The following LRBA variants were observed in gnomAD, a reference collection of about 807,000 sequenced individuals.
LRBA encodes LPS responsive beige-like anchor protein.
LRBA carries 176 observed loss-of-function variants against 330.0 expected under a neutral mutation model. The ratio of observed to expected loss-of-function variants is 0.53; its 90% confidence interval spans 0.47 to 0.60. The LOEUF is 0.60. Among genes scored for constraint, LRBA ranks in the 20% least tolerant of loss-of-function variants. The probability of loss-of-function intolerance (pLI) is 0.00; values close to 1 mark genes in which losing one functional copy is unlikely to be tolerated. For synonymous variants in LRBA, 1,230 were observed against 1,193.0 expected (o/e 1.03, Z -0.64); for missense variants, 3,259 against 3,444.8 (o/e 0.95, Z 1.35).
chr4:150,914,850 A>C (rs1232731805), intron 8 of LRBA, among the ~76,000 whole-genome samples: 1 of 152,142 alleles, frequency 6.6e-6, no homozygotes, highest in East Asian at 1.9e-4. Flanking sequence ...GCGCGCTGCT[A>C]ATAGATTTAT....
In LRBA at chr4:150,277,949, A is replaced by C; in HGVS notation, c.8372T>G (p.Val2791Gly). Residue 2791 changes from valine (V) to glycine (G), a missense_variant, in exon 56 of 57, where the codon GTG becomes GGG. Coordinates refer to ENST00000651943, the MANE Select transcript of LRBA (RefSeq NM_001364905.1). ...GTCCGACACCTGCCGGACCACGACCACTCCTCTGTCTCCTCCTGTGAGCAG... is the reference window on the plus strand; with the variant it reads ...GTCCGACACCTGCCGGACCACGACCCCTCCTCTGTCTCCTCCTGTGAGCAG... ...QYLLTGGDRG[V>G]VVVRQVSDLK... The C allele has an allele frequency of 1.2e-6, 2 of 1,613,752 alleles. No homozygotes were observed. The highest frequency in any genetic ancestry group is 1.7e-6 in the Non-Finnish European group (2 of 1,179,948).
chr4:150,302,796 T>G lies in LRBA; in HGVS notation c.7850-4A>C. The G allele has an allele frequency of 6.4e-7, 1 of 1,568,928 alleles. No individual in the cohort carries two copies. Among genetic ancestry groups the G allele is most frequent in the Non-Finnish European group, 8.6e-7 (1 of 1,158,408 alleles). On this transcript the variant is annotated splice_polypyrimidine_tract_variant and splice_region_variant and intron_variant, in intron 52 of 56. Transcript: ENST00000651943. ...AACACCACTTGGATCAATCTTCCTG[T>G]AATGCAAAACAATTTTCTTTAAAAA...
intron 2 of LRBA, among the ~76,000 whole-genome samples, chr4:150,952,294 ATAGG>A (rs1367193555): frequency 6.6e-6 from 1 of 152,122 alleles, no homozygotes; most frequent in Non-Finnish European, 1.5e-5. Context: ...AGAGAGAGAG[ATAGG>A]TAGAGACAAA....
intron 47 of LRBA, among the ~76,000 whole-genome samples, chr4:150,399,167 T>G (rs1313987992): frequency 6.6e-6 from 1 of 152,190 alleles, no homozygotes; most frequent in Non-Finnish European, 1.5e-5. Flanking sequence ...TGTATTTTAT[T>G]GAAATACTGT....
chr4:150,611,315 C>A (rs1775236026), intron 37 of LRBA, among the ~76,000 whole-genome samples: 1 of 152,122 alleles, frequency 6.6e-6, no homozygotes, highest in South Asian at 2.1e-4. Context: ...AGATATAACA[C>A]CTATTTAACA....
At chr4:150,540,316 C>T (rs953848303) in intron 40 of LRBA, among the ~76,000 whole-genome samples, 2 of 152,070 alleles carry the variant, frequency 1.3e-5, no homozygotes, top group Non-Finnish European at 2.9e-5. Context: ...TAGGTTCAAG[C>T]GATTCAAGTA....
chr4:150,443,860 A>C (rs1752200303), intron 44 of LRBA, among the ~76,000 whole-genome samples: 1 of 63,322 alleles, frequency 1.6e-5, no homozygotes, highest in South Asian at 5.2e-4. Flanking sequence ...AAAAATATAT[A>C]TATATATATA....
intron 56 of LRBA, among the ~76,000 whole-genome samples, chr4:150,274,267 A>AAAGACAC (rs1746485519): frequency 6.6e-6 from 1 of 152,236 alleles, no homozygotes; most frequent in African/African-American, 2.4e-5. Context: ...CAATGAGAAC[A>AAAGACAC]AAGACACAAC....
intron 44 of LRBA, among the ~76,000 whole-genome samples, chr4:150,449,372 G>C (rs4696361): frequency 6.6e-6 from 1 of 152,024 alleles, no homozygotes; most frequent in Non-Finnish European, 1.5e-5. Flanking sequence ...ATGAGGGGTA[G>C]AGGCAAGAAC....
intron 37 of LRBA, among the ~76,000 whole-genome samples, chr4:150,665,758 C>A (rs1160758298): frequency 6.6e-6 from 1 of 152,146 alleles, no homozygotes; most frequent in African/African-American, 2.4e-5. Context: ...AAATAATAGT[C>A]TACTATGGAT....
rs1375955842 is a variant in LRBA at position 150,867,685 on chromosome 4, T to C, written c.2752A>G (p.Ile918Val). Residue 918 changes from isoleucine (I) to valine (V), a missense_variant, in exon 22 of 57, where the codon ATC (isoleucine) becomes GTC (valine). Physicochemically the swap from Ile to Val is conservative, Grantham distance 29. Transcript: ENST00000651943. Reference protein sequence around the residue: ...GWRVWVDTLSITHSKVTFEIH... With the variant: ...GWRVWVDTLSVTHSKVTFEIH... The stretch of plus-strand genomic sequence containing the variant: ...AAGAAACTTACCTTTGAATGAGTGA[T>C]TGATAAAGTGTCTACCCATACACGC... 1 of 1,607,380 alleles carries C rather than the reference T, an allele frequency of 6.2e-7. No individual in the cohort carries two copies. The highest frequency in any genetic ancestry group is 1.7e-5 in the Admixed American group (1 of 58,734).
At chr4:150,588,431 A>C (rs1469714534) in intron 39 of LRBA, among the ~76,000 whole-genome samples, 1 of 152,186 alleles carries the variant, frequency 6.6e-6, no homozygotes, top group Non-Finnish European at 1.5e-5. Flanking sequence ...CAATTATTTT[A>C]CAGGGAGTCT....
chr4:150,786,064 A>G (rs1739012258), intron 34 of LRBA, among the ~76,000 whole-genome samples: 1 of 152,202 alleles, frequency 6.6e-6, no homozygotes, highest in Non-Finnish European at 1.5e-5. Context: ...GACCTCGTCT[A>G]GCTCCACCAG....
chr4:150,712,795 A>C (rs1786355298), intron 36 of LRBA, among the ~76,000 whole-genome samples: 1 of 152,170 alleles, frequency 6.6e-6, no homozygotes, highest in South Asian at 2.1e-4. Context: ...AAACGGCAAA[A>C]CCCAAAGAGA....
chr4:150,365,168 G>T (rs919903535), intron 47 of LRBA, among the ~76,000 whole-genome samples: 1 of 151,752 alleles, frequency 6.6e-6, no homozygotes, highest in Non-Finnish European at 1.5e-5. Context: ...CACCACACCC[G>T]GCGAATTTTT....
rs367554815 is a variant in LRBA, at chr4:150,921,220, T to C, written c.623A>G (p.Asn208Ser). 5 of 1,611,982 alleles carry C rather than the reference T, an allele frequency of 3.1e-6. No individual in the cohort carries two copies. In the African/African-American group the frequency reaches 6.7e-5, roughly 21 times the overall value. Residue 208 changes from asparagine (N) to serine (S), a missense_variant, in exon 5 of 57, where the codon AAC becomes AGC. Coordinates refer to ENST00000651943, the MANE Select transcript of LRBA (RefSeq NM_001364905.1). ...PQKYGPDAFF[N>S]FPGKSAAAIA... ...TACTGCAGCACTCTTTCCTGGAAAGTTAAAAAAGGCATCAGGACCATACTT... is the reference window on the plus strand; with the variant it reads ...TACTGCAGCACTCTTTCCTGGAAAGCTAAAAAAGGCATCAGGACCATACTT...
At chr4:150,819,794 T>G (rs1745154090) in intron 30 of LRBA, among the ~76,000 whole-genome samples, 1 of 152,114 alleles carries the variant, frequency 6.6e-6, no homozygotes, top group African/African-American at 2.4e-5. Context: ...TCTAGCCTCT[T>G]GCTGTTAATG....
In LRBA at chr4:150,315,437, T is replaced by C. The variant is rs763132261; in HGVS notation, c.7693+124A>G. 60 of 806,106 alleles carry C rather than the reference T, an allele frequency of 7.4e-5. 1 individual carries two copies. Among genetic ancestry groups the C allele is most frequent in the South Asian group, 6.8e-4 (47 of 69,558 alleles). The allele number at this position is 806,106 out of a possible 1,614,324, so 49.9% of individuals were successfully genotyped here. On this transcript the variant is annotated intron_variant, in intron 51 of 56. Coordinates refer to ENST00000651943, the MANE Select transcript of LRBA (RefSeq NM_001364905.1). ...ACAGCTCATTGCATTCCAATTTGCATGCAAATGGTTTATCAGGAAAATTCC... is the reference window on the plus strand; with the variant it reads ...ACAGCTCATTGCATTCCAATTTGCACGCAAATGGTTTATCAGGAAAATTCC...
chr4:150,379,066 G>T (rs889772892), intron 47 of LRBA, among the ~76,000 whole-genome samples: 26 of 151,978 alleles, frequency 1.7e-4, no homozygotes, highest in Admixed American at 2.6e-4. Context: ...ACTTTGGGAG[G>T]CCAAGGCAGG....
Sources: gnomAD v4.1 joint callset for allele counts (sites outside exome capture counted in the v4.1 genomes callset) on GRCh38, gnomAD v4.1.1 for gene constraint, MANE v1.5 for transcripts, NCBI Gene and HGNC (gene_info 2026-07-23, HGNC 2026-07-21) for gene names.